The following CPEB1 variants were observed in gnomAD, a reference collection of about 807,000 sequenced individuals.
CPEB1 encodes the protein cytoplasmic polyadenylation element-binding protein 1.
CPEB1 carries 7 observed loss-of-function variants against 65.8 expected under a neutral mutation model. The ratio of observed to expected loss-of-function variants is 0.11; its 90% CI spans 0.06 to 0.20. CPEB1 has a LOEUF of 0.20. Ranked by LOEUF, CPEB1 falls within the 10% of genes least tolerant of loss-of-function variation. The pLI, the probability that CPEB1 is intolerant of heterozygous loss-of-function variation, is 1.00. For missense variants in CPEB1, 551 were observed against 712.2 expected (o/e 0.77, Z 2.58); for synonymous variants, 262 against 260.0 (o/e 1.01, Z -0.08).
intron 1 of CPEB1, among the ~76,000 whole-genome samples, chr15:82,636,180 T>C (rs952147321): frequency 2.0e-5 from 3 of 152,216 alleles, no homozygotes; most frequent in African/African-American, 7.2e-5. Flanking sequence ...TTTCTTCTGC[T>C]ATACTATCAA....
chr15:82,546,581 G>T (rs962597847), intron 11 of CPEB1, 60 bp from the exon 12 acceptor site: 2 of 1,234,236 alleles, frequency 1.6e-6, no homozygotes, highest in Non-Finnish European at 2.4e-6. Context: ...CTCGATAGGC[G>T]ATAGAAGAAG....
chr15:82,624,748 A>G lies in CPEB1; in HGVS notation c.271+2445T>C, dbSNP rs112859331. 1.1e-3 allele frequency among the ~76,000 whole-genome samples: 162 copies of G among 151,976 alleles called. 1 individual carries two copies. The highest frequency in any genetic ancestry group is 3.5e-3 in the African/African-American group (146 of 41,418). On this transcript the variant is annotated intron_variant, in intron 3 of 12. Coordinates refer to ENST00000684509, the MANE Select transcript of CPEB1 (RefSeq NM_001365242.1). The stretch of plus-strand genomic sequence containing the variant: ...CAACACCTAGTATTAGCTGAAAAAT[A>G]TTTTCCTGTAAACTAGAAAAGTTTC...
At chr15:82,616,043 A>G (rs913409155) in intron 3 of CPEB1, among the ~76,000 whole-genome samples, 1 of 152,168 alleles carries the variant, frequency 6.6e-6, no homozygotes, top group African/African-American at 2.4e-5. Context: ...TTACTTACAA[A>G]TAACTATCAA....
chr15:82,629,185 C>G (rs7165125), intron 1 of CPEB1: 361,619 of 777,488 alleles, frequency 0.47, 85,996 homozygotes, highest in African/African-American at 0.66. Context: ...TAACCTCTAT[C>G]CCTCAGTTTC....
At chr15:82,645,754 G>C (rs2151403279) in intron 1 of CPEB1, among the ~76,000 whole-genome samples, 1 of 152,164 alleles carries the variant, frequency 6.6e-6, no homozygotes, top group South Asian at 2.1e-4. Context: ...TGTAATCCTA[G>C]CTACACAGGA....
intron 4 of CPEB1, among the ~76,000 whole-genome samples, chr15:82,565,427 C>G (rs546750516): frequency 6.6e-6 from 1 of 152,318 alleles, no homozygotes; most frequent in South Asian, 2.1e-4. Flanking sequence ...CCGATTTCCA[C>G]CAGCTGGGAA....
chr15:82,557,291 C>T (rs897905152), intron 5 of CPEB1, among the ~76,000 whole-genome samples: 4 of 152,278 alleles, frequency 2.6e-5, no homozygotes, highest in East Asian at 3.9e-4. Flanking sequence ...GGAAAAAATA[C>T]AGGAGCTACA....
chr15:82,576,520 T>C (rs1303326460), intron 3 of CPEB1, among the ~76,000 whole-genome samples: 2 of 152,220 alleles, frequency 1.3e-5, no homozygotes, highest in Non-Finnish European at 2.9e-5. Context: ...GGGTAAACTG[T>C]AGCAATGTCT....
chr15:82,614,205 TCA>T (rs1253766031), intron 3 of CPEB1, among the ~76,000 whole-genome samples: 1 of 152,206 alleles, frequency 6.6e-6, no homozygotes. Context: ...AGCAGCATTA[TCA>T]CAGCTCACTG....
In CPEB1 at chr15:82,577,259, A is replaced by G. The variant is rs572710305; in HGVS notation, c.272-5727T>C. On this transcript the variant is annotated intron_variant, in intron 3 of 12. Transcript: ENST00000684509. ...TGTTTTGTAGAGACAGAGTCTCACTATGTTGGCCAGGCTGGTCTCGAACTC... is the reference window on the plus strand; with the variant it reads ...TGTTTTGTAGAGACAGAGTCTCACTGTGTTGGCCAGGCTGGTCTCGAACTC... 3.3e-5 allele frequency among the ~76,000 whole-genome samples: 5 copies of G among 152,260 alleles called. No individual in the cohort carries two copies. In the East Asian group the frequency reaches 9.6e-4, roughly 29 times the overall value.
At chr15:82,634,543 A>ATGTAC (rs2151354272) in intron 1 of CPEB1, among the ~76,000 whole-genome samples, 2 of 152,340 alleles carry the variant, frequency 1.3e-5, no homozygotes, top group Non-Finnish European at 2.9e-5. Flanking sequence ...ACTATTAATC[A>ATGTAC]TGTACAATGG....
chr15:82,564,048 AT>A (rs1412137647), intron 4 of CPEB1, among the ~76,000 whole-genome samples: 19 of 152,196 alleles, frequency 1.2e-4, no homozygotes, highest in Non-Finnish European at 2.2e-4. Flanking sequence ...CTGCATAGAT[AT>A]TTGCAGGCCC....
chr15:82,594,972 A>C (rs190474159), intron 3 of CPEB1, among the ~76,000 whole-genome samples: 1 of 152,360 alleles, frequency 6.6e-6, no homozygotes, highest in African/African-American at 2.4e-5. Context: ...TGGCATGCCA[A>C]AACAATTACA....
At chr15:82,628,236 A>G (rs1210897406) in intron 2 of CPEB1, 128 bp downstream of exon 2, 7 of 702,958 alleles carry the variant, frequency 1.0e-5, no homozygotes, top group Non-Finnish European at 1.6e-5. Flanking sequence ...GATGTTGTAC[A>G]TGACTTCACA....
intron 3 of CPEB1, among the ~76,000 whole-genome samples, chr15:82,610,683 C>T (rs1259183): frequency 0.4 from 60,957 of 151,618 alleles, 12,319 homozygotes; most frequent in South Asian, 0.49. Flanking sequence ...TCAGGCCGGG[C>T]CCGGTCACTC....
intron 1 of CPEB1, among the ~76,000 whole-genome samples, chr15:82,643,941 A>G (rs1416362937): frequency 6.6e-6 from 1 of 152,244 alleles, no homozygotes; most frequent in African/African-American, 2.4e-5. Context: ...ACAGGTCTTA[A>G]AACAATTATA....
intron 3 of CPEB1, among the ~76,000 whole-genome samples, chr15:82,614,502 A>T (rs1199136871): frequency 6.6e-6 from 1 of 152,214 alleles, no homozygotes; most frequent in Non-Finnish European, 1.5e-5. Context: ...AAGTCTAAAT[A>T]AATACTGATT....
chr15:82,610,536 A>T (rs2044029578), intron 3 of CPEB1, among the ~76,000 whole-genome samples: 1 of 152,156 alleles, frequency 6.6e-6, no homozygotes, highest in Non-Finnish European at 1.5e-5. Flanking sequence ...AAAAATCAAT[A>T]AAATATAATA....
At chr15:82,594,693 A>C (rs1277381471) in intron 3 of CPEB1, among the ~76,000 whole-genome samples, 2 of 152,210 alleles carry the variant, frequency 1.3e-5, no homozygotes, top group Admixed American at 1.3e-4. Context: ...CTTTCGGCCT[A>C]CCACAGCTTT....
Sources: gnomAD v4.1 joint callset for allele counts (sites outside exome capture counted in the v4.1 genomes callset) on GRCh38, gnomAD v4.1.1 for gene constraint, MANE v1.5 for transcripts, NCBI Gene and HGNC (gene_info 2026-07-23, HGNC 2026-07-21) for gene names.